CERS3: variants seen among roughly 807,000 people sequenced by gnomAD.
CERS3 encodes the protein ceramide synthase 3, also known as LAG1 homolog, ceramide synthase 3.
In CERS3, 33 loss-of-function variants were observed where a neutral mutation model predicts 50.3. The observed-to-expected ratio is 0.66, with a 90% CI of 0.50 to 0.88. The LOEUF is 0.88. Among genes scored for constraint, CERS3 ranks in the 40% least tolerant of loss-of-function variants. CERS3 has a pLI of 0.00. For missense variants in CERS3, 470 were observed against 460.3 expected, an observed-to-expected ratio of 1.02 and a Z score of -0.19; for synonymous variants, 176 against 155.2, an observed-to-expected ratio of 1.13 and a Z score of -0.99.
intron 11 of CERS3, among the ~76,000 whole-genome samples, chr15:100,432,164 C>G (rs894530201): frequency 6.6e-6 from 1 of 151,856 alleles, no homozygotes; most frequent in African/African-American, 2.4e-5. Flanking sequence ...ACTTCCTGAG[C>G]TCAAGCAAAC....
chr15:100,485,849 G>A (rs1567654415), intron 4 of CERS3, among the ~76,000 whole-genome samples: 1 of 152,176 alleles, frequency 6.6e-6, no homozygotes, highest in Non-Finnish European at 1.5e-5. Flanking sequence ...GGGCGACAGA[G>A]AAGGACTCCA....
At chr15:100,510,878 G>A (rs1411520998) in intron 2 of CERS3, among the ~76,000 whole-genome samples, 1 of 152,314 alleles carries the variant, frequency 6.6e-6, no homozygotes, top group Admixed American at 6.5e-5. Flanking sequence ...GTTACAACAG[G>A]TGAGACTGTG....
chr15:100,481,770 G>C (rs529614668), intron 5 of CERS3, among the ~76,000 whole-genome samples: 1 of 152,326 alleles, frequency 6.6e-6, no homozygotes, highest in Non-Finnish European at 1.5e-5. Flanking sequence ...CAAGAGTACA[G>C]CCAAGTCTCA....
chr15:100,424,699 T>C (rs1323630509), intron 11 of CERS3, among the ~76,000 whole-genome samples: 1 of 152,234 alleles, frequency 6.6e-6, no homozygotes, highest in Non-Finnish European at 1.5e-5. Flanking sequence ...TATGACAGCA[T>C]ATGCTCATCT....
chr15:100,433,235 CAAAAAAA>C lies in CERS3; in HGVS notation c.999+22651_999+22657del, dbSNP rs5814963. Among the ~76,000 whole-genome samples, 6 of 98,418 alleles carry C rather than the reference CAAAAAAA, an allele frequency of 6.1e-5. No homozygotes were observed. The Admixed American group carries it at 6.7e-4, about 11-fold the overall frequency. 64.6% of individuals were successfully genotyped at this position (98,418 alleles called of 152,430 possible). A position where few individuals can be genotyped will look rare whatever the true frequency, so the allele number is the denominator to read the frequency against. On this transcript the variant is annotated intron_variant, in intron 11 of 11. Coordinates refer to ENST00000679737, the MANE Select transcript of CERS3 (RefSeq NM_001378789.1). Reference sequence around the variant, plus strand: ...TGGGCAATAGAGCAAGACTCTGTCTCAAAAAAAAAAAAAAAAAATTCAATTCAAGTAC... The same window carrying C: ...TGGGCAATAGAGCAAGACTCTGTCTCAAAAAAAAAAATTCAATTCAAGTAC...
rs192925450 is a variant in CERS3, at chr15:100,407,678, G to A, written c.1000-4813C>T. ...GTCAAAAATATTCAGGAAAAAAAAA[G>A]AATGGTTGTATCAGTACTGGACATT... On this transcript the variant is annotated intron_variant, in intron 11 of 11. Transcript: ENST00000679737. Among the ~76,000 whole-genome samples the A allele has an allele frequency of 5.7e-3, 862 of 152,214 alleles. 2 individuals are homozygous for A. The highest frequency in any genetic ancestry group is 9.8e-3 in the Non-Finnish European group (665 of 67,994).
chr15:100,415,566 A>T (rs1027110898), intron 11 of CERS3, among the ~76,000 whole-genome samples: 18 of 152,192 alleles, frequency 1.2e-4, no homozygotes, highest in African/African-American at 4.1e-4. Flanking sequence ...GATAGATTAG[A>T]TAAAGAAAAT....
intron 11 of CERS3, among the ~76,000 whole-genome samples, chr15:100,414,638 A>G (rs1048823078): frequency 2.6e-5 from 4 of 152,134 alleles, no homozygotes; most frequent in South Asian, 4.1e-4. Context: ...ATCTACAACC[A>G]TCTGATCTTT....
intron 1 of CERS3, chr15:100,544,201 A>G (rs978328689): frequency 6.6e-6 from 1 of 152,390 alleles, no homozygotes; most frequent in African/African-American, 2.4e-5. Context: ...GAAACCCACG[A>G]AAGTAATTAC....
intron 7 of CERS3, among the ~76,000 whole-genome samples, chr15:100,477,813 T>C (rs1010859526): frequency 2.0e-5 from 3 of 152,188 alleles, no homozygotes; most frequent in Non-Finnish European, 2.9e-5. Flanking sequence ...AATATTTTAT[T>C]TGAAATCATT....
upstream of CERS3, among the ~76,000 whole-genome samples, chr15:100,533,746 G>A (rs1431146818): frequency 1.3e-5 from 2 of 152,008 alleles, no homozygotes; most frequent in Admixed American, 6.5e-5. Context: ...TTTTAGTAGA[G>A]ACAGGGTTTC....
upstream of CERS3, among the ~76,000 whole-genome samples, chr15:100,533,425 G>A (rs1377964477): frequency 2.0e-5 from 3 of 152,238 alleles, no homozygotes; most frequent in African/African-American, 4.8e-5. Context: ...TTGCCATTGT[G>A]TCTCTTCCTC....
Position 100,427,122 on chromosome 15 carries a change from C to T in CERS3, c.1000-24257G>A, listed in dbSNP as rs534159108. 3.3e-5 allele frequency among the ~76,000 whole-genome samples: 5 copies of T among 152,362 alleles called. No homozygotes were observed. In the East Asian group the frequency reaches 5.8e-4, roughly 18 times the overall value. On this transcript the variant is annotated intron_variant, in intron 11 of 11. Coordinates refer to ENST00000679737, the MANE Select transcript of CERS3 (RefSeq NM_001378789.1). The stretch of plus-strand genomic sequence containing the variant: ...AGTCAGCCGAGGGGTGTGTGCCCCA[C>T]TGGCTGGCCCTCCATGACACAGCTG...
chr15:100,444,026 A>C (rs2033822499), intron 11 of CERS3, among the ~76,000 whole-genome samples: 2 of 152,038 alleles, frequency 1.3e-5, no homozygotes. Flanking sequence ...TTTTCATTAC[A>C]CACAGCTGAA....
chr15:100,409,294 T>C (rs2031293581), intron 11 of CERS3, among the ~76,000 whole-genome samples: 1 of 152,206 alleles, frequency 6.6e-6, no homozygotes, highest in African/African-American at 2.4e-5. Context: ...CACGGACATG[T>C]TCTACATTCT....
intron 2 of CERS3, 46 bp from the exon 3 acceptor site, chr15:100,501,896 A>G (rs1254569533): frequency 5.0e-6 from 8 of 1,587,388 alleles, no homozygotes; most frequent in Non-Finnish European, 6.9e-6. Context: ...CAAACACGTA[A>G]CTTTAGGATA....
chr15:100,503,180 ACT>A (rs143317255), intron 2 of CERS3, among the ~76,000 whole-genome samples: 7,984 of 152,304 alleles, frequency 0.052, 290 homozygotes, highest in Admixed American at 0.11. Flanking sequence ...TGTCAAAATC[ACT>A]CTGTCAAAAC....
chr15:100,405,080 A>C (rs2030884349), intron 11 of CERS3, among the ~76,000 whole-genome samples: 1 of 152,128 alleles, frequency 6.6e-6, no homozygotes, highest in Non-Finnish European at 1.5e-5. Flanking sequence ...GAAAGAAAAA[A>C]CTGGCAAACT....
intron 2 of CERS3, among the ~76,000 whole-genome samples, chr15:100,512,565 G>A (rs2036376098): frequency 6.6e-6 from 1 of 152,190 alleles, no homozygotes; most frequent in South Asian, 2.1e-4. Context: ...ATGTCAGCCT[G>A]TGGGGAGCCT....
Sources: allele counts gnomAD v4.1 joint callset (sites outside exome capture counted in the v4.1 genomes callset), GRCh38; gene constraint gnomAD v4.1.1; transcripts MANE v1.5; gene names NCBI Gene and HGNC (gene_info 2026-07-23, HGNC 2026-07-21).